MACROD1: variants seen among roughly 807,000 people sequenced by gnomAD.
The protein encoded by MACROD1 is mono-ADP ribosylhydrolase 1.
MACROD1 carries 31 observed loss-of-function variants against 41.4 expected under a neutral mutation model. The ratio of observed to expected loss-of-function variants is 0.75; its 90% confidence interval spans 0.56 to 1.01. The LOEUF (loss-of-function observed/expected upper bound fraction) is 1.01. Among genes scored for constraint, MACROD1 ranks in the 50% least tolerant of loss-of-function variants. The pLI, the probability that MACROD1 is intolerant of heterozygous loss-of-function variation, is 0.00. For synonymous variants in MACROD1, 252 were observed against 203.4 expected, an observed-to-expected ratio of 1.24 and a Z score of -2.03; for missense variants, 473 against 460.0, an observed-to-expected ratio of 1.03 and a Z score of -0.26.
chr11:64,044,448 T>TA (rs1181540597), intron 3 of MACROD1, among the ~76,000 whole-genome samples: 3 of 152,016 alleles, frequency 2.0e-5, no homozygotes, highest in African/African-American at 7.2e-5. Context: ...AGGGTTTCCT[T>TA]ATGTTGCCCA....
intron 3 of MACROD1, among the ~76,000 whole-genome samples, chr11:64,087,424 G>A (rs1016183111): frequency 6.6e-6 from 1 of 152,192 alleles, no homozygotes; most frequent in African/African-American, 2.4e-5. Flanking sequence ...ACTCCGGGGT[G>A]CGTCTGCCTC....
At position 64,148,628 on chromosome 11, in the gene MACROD1, G is replaced by C. The variant is rs1945529843; in HGVS notation, c.517+2611C>G. 3 of 676,502 alleles carry C rather than the reference G, an allele frequency of 4.4e-6. No individual in the cohort carries two copies. The African/African-American group carries it at 5.9e-5, about 13-fold the overall frequency. The allele number at this position is 676,502 out of a possible 1,614,324, so 41.9% of individuals were successfully genotyped here. ...ATTCACGGCTAATGATTATAATCAA[G>C]TCAAATAGAATTTAATGGACACGTA... is the stretch of plus-strand genomic sequence containing the variant. On this transcript the variant is annotated intron_variant, in intron 3 of 10. Transcript: ENST00000255681.
intron 3 of MACROD1, among the ~76,000 whole-genome samples, chr11:64,112,454 T>C (rs1336044328): frequency 6.6e-6 from 1 of 152,086 alleles, no homozygotes; most frequent in Non-Finnish European, 1.5e-5. Flanking sequence ...GCGGAGGTTG[T>C]AGTGACCCAA....
chr11:64,116,252 C>G, intron 3 of MACROD1: 1 of 1,588,000 alleles, frequency 6.3e-7, no homozygotes, highest in Non-Finnish European at 8.5e-7. Flanking sequence ...GGGCCGGACG[C>G]CCCCAGCCAT....
intron 3 of MACROD1, among the ~76,000 whole-genome samples, chr11:64,069,379 A>G (rs900585039): frequency 2.6e-5 from 4 of 152,162 alleles, no homozygotes; most frequent in African/African-American, 9.7e-5. Flanking sequence ...CTCTGGCCCA[A>G]AGCCCCAGGA....
intron 3 of MACROD1, among the ~76,000 whole-genome samples, chr11:64,016,843 G>C (rs930380189): frequency 4.7e-4 from 71 of 152,386 alleles, no homozygotes; most frequent in African/African-American, 1.7e-3. Flanking sequence ...CGGAGCTGGA[G>C]CTGGAGGGAG....
intron 3 of MACROD1, among the ~76,000 whole-genome samples, chr11:64,016,683 A>G (rs1044171015): frequency 6.6e-6 from 1 of 152,248 alleles, no homozygotes; most frequent in African/African-American, 2.4e-5. Context: ...GCAAGTTGCC[A>G]TGTTACTTGC....
intron 3 of MACROD1, among the ~76,000 whole-genome samples, chr11:64,021,619 G>T (rs1273088832): frequency 6.6e-6 from 1 of 152,082 alleles, no homozygotes; most frequent in Non-Finnish European, 1.5e-5. Flanking sequence ...CCTCACCCTG[G>T]CCTCAGCTGC....
intron 3 of MACROD1, among the ~76,000 whole-genome samples, chr11:64,121,194 C>A (rs1179964716): frequency 6.6e-6 from 1 of 152,082 alleles, no homozygotes; most frequent in Non-Finnish European, 1.5e-5. Context: ...CAGAGCAGGC[C>A]CAGGCAGGCA....
intron 3 of MACROD1, among the ~76,000 whole-genome samples, chr11:64,133,863 T>A (rs995015560): frequency 6.6e-6 from 1 of 152,156 alleles, no homozygotes; most frequent in Non-Finnish European, 1.5e-5. Context: ...ACAGACTACA[T>A]GGGAGCGACA....
intron 3 of MACROD1, among the ~76,000 whole-genome samples, chr11:64,058,837 G>A (rs763540335): frequency 1.4e-4 from 22 of 152,128 alleles, no homozygotes; most frequent in Non-Finnish European, 2.9e-4. Context: ...GAGGGCAGCC[G>A]GCAAGGGGGG....
At chr11:64,159,078 T>C (rs1415419631) in intron 1 of MACROD1, among the ~76,000 whole-genome samples, 1 of 151,756 alleles carries the variant, frequency 6.6e-6, no homozygotes, top group Non-Finnish European at 1.5e-5. Flanking sequence ...TTCCAGCACT[T>C]TGGGAGGCTG....
chr11:64,130,176 C>T (rs1351486090), intron 3 of MACROD1, among the ~76,000 whole-genome samples: 1 of 152,172 alleles, frequency 6.6e-6, no homozygotes, highest in Non-Finnish European at 1.5e-5. Flanking sequence ...TCTCTCAGGA[C>T]TTGCATTATC....
At chr11:64,062,921 C>G (rs568098810) in intron 3 of MACROD1, among the ~76,000 whole-genome samples, 2 of 152,352 alleles carry the variant, frequency 1.3e-5, no homozygotes, top group African/African-American at 4.8e-5. Context: ...TCATTCCCCA[C>G]AAACACCTGA....
intron 3 of MACROD1, among the ~76,000 whole-genome samples, chr11:64,134,860 G>A (rs558158479): frequency 2.0e-5 from 3 of 152,304 alleles, no homozygotes; most frequent in Admixed American, 6.5e-5. Flanking sequence ...GGAGCTCTTC[G>A]CATATTAAGA....
intron 3 of MACROD1, chr11:64,118,179 A>G (rs758343378): frequency 2.5e-6 from 4 of 1,613,622 alleles, no homozygotes; most frequent in South Asian, 1.1e-5. Flanking sequence ...GGTCCACACT[A>G]TCTTCCCCTC....
intron 3 of MACROD1, among the ~76,000 whole-genome samples, chr11:64,119,371 T>C (rs76121611): frequency 1.3e-5 from 2 of 152,240 alleles, no homozygotes; most frequent in East Asian, 3.9e-4. Flanking sequence ...ACTGGGCTGC[T>C]CTCCTTTCTG....
chr11:64,152,256 G>T (rs747257389), intron 2 of MACROD1, 36 bp downstream of exon 2: 2 of 1,586,134 alleles, frequency 1.3e-6, no homozygotes, highest in Non-Finnish European at 1.7e-6. Context: ...CGGGTCTGGA[G>T]CCTGCCCACC....
At chr11:64,035,410 T>C (rs962875620) in intron 3 of MACROD1, among the ~76,000 whole-genome samples, 2 of 152,056 alleles carry the variant, frequency 1.3e-5, no homozygotes, top group African/African-American at 4.8e-5. Context: ...AATGAATGAA[T>C]GAATGGATGG....
Sources: gnomAD v4.1 joint callset for allele counts (sites outside exome capture counted in the v4.1 genomes callset) on GRCh38, gnomAD v4.1.1 for gene constraint, MANE v1.5 for transcripts, NCBI Gene and HGNC (gene_info 2026-07-23, HGNC 2026-07-21) for gene names.